PTGR1: variants seen among roughly 807,000 people sequenced by gnomAD.
PTGR1 encodes the protein 15-oxoprostaglandin 13-reductase.
A neutral mutation model predicts 37.7 loss-of-function variants in PTGR1; 23 were observed. That is an observed-to-expected ratio of 0.61 (90% CI 0.44 to 0.86). The LOEUF (loss-of-function observed/expected upper bound fraction) is 0.86. Among genes scored for constraint, PTGR1 ranks in the 40% least tolerant of loss-of-function variants. The probability of loss-of-function intolerance (pLI) is 0.00; values close to 1 mark genes in which losing one functional copy is unlikely to be tolerated. For synonymous variants in PTGR1, 134 were observed against 140.0 expected (o/e 0.96, Z 0.30); for missense variants, 351 against 394.3 (o/e 0.89, Z 0.93).
downstream of PTGR1, among the ~76,000 whole-genome samples, chr9:111,560,932 G>A (rs1828267166): frequency 1.6e-5 from 2 of 127,568 alleles, no homozygotes; most frequent in South Asian, 2.5e-4. Flanking sequence ...AACAGAGTGA[G>A]ACTCCATCTA....
intron 4 of PTGR1, among the ~76,000 whole-genome samples, chr9:111,588,230 T>C (rs1457569419): frequency 6.8e-6 from 1 of 146,702 alleles, no homozygotes; most frequent in African/African-American, 2.6e-5. Flanking sequence ...GGAGTCTCGC[T>C]CTATTGCCCA....
intron 9 of PTGR1, among the ~76,000 whole-genome samples, chr9:111,552,840 AT>A (rs1267357398): frequency 1.3e-5 from 2 of 152,202 alleles, no homozygotes; most frequent in Non-Finnish European, 2.9e-5. Flanking sequence ...GTTCATGTAT[AT>A]CCAAGAGCAA....
downstream of PTGR1, among the ~76,000 whole-genome samples, chr9:111,560,879 GT>G (rs1220885050): frequency 5.5e-5 from 8 of 146,532 alleles, no homozygotes; most frequent in South Asian, 2.2e-4. Context: ...GGTGGCAGAG[GT>G]GGCAGTGAGT....
intron 9 of PTGR1, among the ~76,000 whole-genome samples, chr9:111,552,488 G>A (rs1827998805): frequency 6.6e-6 from 1 of 152,144 alleles, no homozygotes; most frequent in African/African-American, 2.4e-5. Flanking sequence ...TTCCAACATG[G>A]ATGGTCTTTT....
At chr9:111,598,758 G>A (rs1829856191) in intron 1 of PTGR1, among the ~76,000 whole-genome samples, 1 of 152,146 alleles carries the variant, frequency 6.6e-6, no homozygotes, top group South Asian at 2.1e-4. Flanking sequence ...ACCTTCCATA[G>A]TGCTGGGATT....
chr9:111,557,226 T>C (rs147725815), intron 9 of PTGR1, among the ~76,000 whole-genome samples: 6 of 151,888 alleles, frequency 4.0e-5, no homozygotes, highest in Admixed American at 1.3e-4. Context: ...ATCCAAAAAT[T>C]AGCCGGGCAT....
intron 9 of PTGR1, among the ~76,000 whole-genome samples, chr9:111,565,807 G>A (rs903519821): frequency 3.3e-5 from 5 of 152,226 alleles, no homozygotes; most frequent in African/African-American, 7.2e-5. Flanking sequence ...TTATAGCTAT[G>A]AGCCACCGCA....
At chr9:111,550,258 C>G (rs1827902216) in intron 9 of PTGR1, among the ~76,000 whole-genome samples, 2 of 152,150 alleles carry the variant, frequency 1.3e-5, no homozygotes, top group African/African-American at 4.8e-5. Context: ...AGGTTTCATC[C>G]CTTTTTTCTC....
chr9:111,564,277 T>TTA, intron 9 of PTGR1: 1 of 485,730 alleles, frequency 2.1e-6, no homozygotes, highest in South Asian at 5.2e-5. Context: ...AATTTAAACT[T>TTA]TTATTATTAT....
At chr9:111,580,266 T>A (rs974055574) in intron 6 of PTGR1, among the ~76,000 whole-genome samples, 3 of 152,212 alleles carry the variant, frequency 2.0e-5, no homozygotes, top group African/African-American at 7.2e-5. Context: ...AGGTCCCTCA[T>A]AAATAGTGTG....
chr9:111,598,492 TTTA>T (rs1331945519), intron 1 of PTGR1, among the ~76,000 whole-genome samples: 1 of 152,150 alleles, frequency 6.6e-6, no homozygotes, highest in Non-Finnish European at 1.5e-5. Flanking sequence ...CTTTTCTTTT[TTTA>T]AAATTAAGAC....
chr9:111,569,988 G>C lies in PTGR1; in HGVS notation c.879+103C>G, dbSNP rs12553163. On this transcript the variant is annotated intron_variant, in intron 9 of 9. Transcript: ENST00000407693. ...AATGACCCAATAGGGAAAAACTGAC[G>C]ATGCGGCAGAGATGGGGAAGAATTG... 5 of 1,549,926 alleles carry C rather than the reference G, an allele frequency of 3.2e-6. 1 individual carries two copies. Among genetic ancestry groups the C allele is most frequent in the South Asian group, 2.4e-5 (2 of 84,694 alleles).
At chr9:111,551,727 C>T (rs1181070721) in intron 9 of PTGR1, among the ~76,000 whole-genome samples, 3 of 152,232 alleles carry the variant, frequency 2.0e-5, no homozygotes, top group Non-Finnish European at 1.5e-5. Flanking sequence ...AATTTGCATC[C>T]ACATTAACAA....
At chr9:111,599,350 G>C (rs1416982224) in intron 1 of PTGR1, 1 of 152,472 alleles carries the variant, frequency 6.6e-6, no homozygotes, top group Non-Finnish European at 1.5e-5. Context: ...GGGTGTCCCG[G>C]GTTGTAACCA....
At chr9:111,565,322 C>T (rs1828508372) in intron 9 of PTGR1, among the ~76,000 whole-genome samples, 2 of 152,156 alleles carry the variant, frequency 1.3e-5, no homozygotes, top group African/African-American at 4.8e-5. Flanking sequence ...TGATCTTAGA[C>T]TTCTAGCCTC....
Position 111,562,578 on chromosome 9 carries a change from T to A in PTGR1, c.*543A>T, listed in dbSNP as rs1028010579. ...CATGAGCCACCACGCCCGGCTAACT[T>A]TTTTTTTTAATTTAATTTTATTTTA... On this transcript the variant is annotated 3_prime_UTR_variant, in exon 10 of 10. Coordinates refer to ENST00000407693, the MANE Select transcript of PTGR1 (RefSeq NM_001146108.2). 1 of 151,408 alleles carries A rather than the reference T, an allele frequency of 6.6e-6. No individual in the cohort carries two copies. The highest frequency in any genetic ancestry group is 2.4e-5 in the African/African-American group (1 of 41,172). The allele number at this position is 151,408 out of a possible 1,614,324, so 9.4% of individuals were successfully genotyped here. A position where few individuals can be genotyped will look rare whatever the true frequency, so the allele number is the denominator to read the frequency against.
At chr9:111,585,855 T>C in intron 5 of PTGR1, 143 bp downstream of exon 5, 1 of 886,010 alleles carries the variant, frequency 1.1e-6, no homozygotes, top group East Asian at 2.7e-5. Context: ...TGATCTGCCA[T>C]CTTGGTCCTG....
chr9:111,551,254 A>C (rs778930409), intron 9 of PTGR1, among the ~76,000 whole-genome samples: 3 of 152,210 alleles, frequency 2.0e-5, no homozygotes, highest in African/African-American at 7.2e-5. Context: ...TCTACACACA[A>C]AATTTTCATT....
At position 111,586,101 on chromosome 9, in the gene PTGR1, TC is replaced by T. The variant is rs1345448637; in HGVS notation, c.273del (p.Trp91Ter). 3.1e-6 allele frequency: 5 copies of T among 1,614,112 alleles called. No homozygotes were observed. The highest frequency in any genetic ancestry group is 4.2e-6 in the Non-Finnish European group (5 of 1,180,056). On this transcript the variant is annotated frameshift_variant, in exon 5 of 10. Transcript: ENST00000407693. LOFTEE classifies it high-confidence loss of function. ...KGTIVLASPG[W>X]TTHSISDGKD... is the part of the protein sequence containing the mutation. Reference sequence around the variant, plus strand: ...TTCCCATCAGAAATGGAGTGCGTTGTCCAGCCTGGAGAAGCCAGTACAATAG... The same window carrying T: ...TTCCCATCAGAAATGGAGTGCGTTGTCAGCCTGGAGAAGCCAGTACAATAG...
Sources: gnomAD v4.1 joint callset for allele counts (sites outside exome capture counted in the v4.1 genomes callset) on GRCh38, gnomAD v4.1.1 for gene constraint, MANE v1.5 for transcripts, NCBI Gene and HGNC (gene_info 2026-07-23, HGNC 2026-07-21) for gene names.